Variants in STAB2 observed in about 807,000 individuals in gnomAD.
The protein encoded by STAB2 is stabilin-2.
Under a neutral mutation model 338.1 loss-of-function variants are expected in STAB2, and 288 were observed. The observed-to-expected ratio is 0.85, with a 90% CI of 0.77 to 0.94. STAB2 has a LOEUF of 0.94. STAB2 is among the 40% of genes least tolerant of loss of function. The pLI, the probability that STAB2 is intolerant of heterozygous loss-of-function variation, is 0.00. For synonymous variants in STAB2, 1,202 were observed against 1,193.3 expected (o/e 1.01, Z -0.15); for missense variants, 3,141 against 3,210.1 (o/e 0.98, Z 0.52).
At chr12:103,703,369 G>A in intron 35 of STAB2, 93 bp downstream of exon 35, 2 of 1,473,444 alleles carry the variant, frequency 1.4e-6, no homozygotes, top group South Asian at 2.6e-5. Context: ...CTATTAAGGT[G>A]TATCAATTCA....
intron 39 of STAB2, among the ~76,000 whole-genome samples, chr12:103,710,411 C>T (rs529371428): frequency 2.2e-4 from 34 of 152,302 alleles, no homozygotes; most frequent in African/African-American, 7.2e-4. Flanking sequence ...TAGACTATAA[C>T]AAAGAAGACA....
chr12:103,729,359 C>CT (rs147396668), intron 48 of STAB2, among the ~76,000 whole-genome samples: 5,015 of 151,024 alleles, frequency 0.033, 150 homozygotes, highest in Admixed American at 0.085. Flanking sequence ...AAGTTGTTTG[C>CT]TTTTTTTTTA....
chr12:103,691,688 C>G (rs1234949383), intron 30 of STAB2, among the ~76,000 whole-genome samples: 1 of 152,160 alleles, frequency 6.6e-6, no homozygotes, highest in African/African-American at 2.4e-5. Context: ...GGCCCTTGAC[C>G]TAGAGGAGCT....
At chr12:103,621,999 G>A in intron 4 of STAB2, 43 bp from the exon 5 acceptor site, 1 of 1,602,762 alleles carries the variant, frequency 6.2e-7, no homozygotes, top group Non-Finnish European at 8.5e-7. Context: ...TGGTACCATG[G>A]GTCACCTTGG....
Position 103,762,333 on chromosome 12 carries a change from G to A in STAB2, c.7419G>A (p.Gly2473=). ...TCTTTGCCATCATCCTGGTGACTGG[G>A]GCTGTTGCCTTGGCTGCTTACTCCT... is the stretch of plus-strand genomic sequence containing the variant. ...GIFFAIILVT[G]AVALAAYSYF... The change falls in exon 67 of 69, where the codon GGG becomes GGA. Residue 2473 remains glycine, a synonymous_variant. Transcript: ENST00000388887. 1 of 1,614,204 alleles carries A rather than the reference G, an allele frequency of 6.2e-7. No homozygotes were observed. Among genetic ancestry groups the A allele is most frequent in the Non-Finnish European group, 8.5e-7 (1 of 1,180,052 alleles).
chr12:103,624,136 G>A (rs1957345679), intron 5 of STAB2, among the ~76,000 whole-genome samples: 1 of 152,206 alleles, frequency 6.6e-6, no homozygotes, highest in Non-Finnish European at 1.5e-5. Context: ...CCATAAGTTT[G>A]CAAACTCTGT....
chr12:103,672,503 A>G (rs1346282106), intron 22 of STAB2, among the ~76,000 whole-genome samples: 1 of 152,074 alleles, frequency 6.6e-6, no homozygotes, highest in Non-Finnish European at 1.5e-5. Flanking sequence ...AAATTGTATA[A>G]CAATTCTTTT....
intron 9 of STAB2, among the ~76,000 whole-genome samples, chr12:103,642,036 G>A (rs753848565): frequency 6.6e-6 from 1 of 152,188 alleles, no homozygotes; most frequent in African/African-American, 2.4e-5. Context: ...CGAGAAGGGT[G>A]GGTTGAAACA....
At chr12:103,588,916 G>A (rs1464578750) in intron 1 of STAB2, among the ~76,000 whole-genome samples, 3 of 152,152 alleles carry the variant, frequency 2.0e-5, no homozygotes, top group African/African-American at 7.2e-5. Context: ...ATCACCAAAT[G>A]AAAACTCCTG....
intron 27 of STAB2, among the ~76,000 whole-genome samples, chr12:103,686,861 A>AT (rs1462162044): frequency 2.0e-5 from 3 of 152,024 alleles, no homozygotes; most frequent in Non-Finnish European, 4.4e-5. Flanking sequence ...CAGGTCTGCC[A>AT]TGTTCCTCTC....
At chr12:103,602,005 A>G (rs1310322726) in intron 3 of STAB2, among the ~76,000 whole-genome samples, 1 of 152,196 alleles carries the variant, frequency 6.6e-6, no homozygotes. Context: ...GTAAAACTCA[A>G]CCTTTTAAGT....
chr12:103,735,726 A>G (rs12296211), intron 52 of STAB2, 146 bp downstream of exon 52: 173,395 of 647,174 alleles, frequency 0.27, 27,200 homozygotes, highest in African/African-American at 0.54. Flanking sequence ...CTTCAGAGGT[A>G]TTTTTCCTGA....
At chr12:103,667,617 C>T (rs1393874425) in intron 19 of STAB2, among the ~76,000 whole-genome samples, 2 of 152,164 alleles carry the variant, frequency 1.3e-5, no homozygotes, top group Non-Finnish European at 2.9e-5. Flanking sequence ...TCCCGGGAAT[C>T]CTGTGACCCA....
At chr12:103,669,503 T>C in intron 20 of STAB2, 38 bp from the exon 21 acceptor site, 1 of 1,538,966 alleles carries the variant, frequency 6.5e-7, no homozygotes, top group Non-Finnish European at 9.0e-7. Flanking sequence ...GGTGCTCTAC[T>C]TGGGGGTTCA....
intron 44 of STAB2, among the ~76,000 whole-genome samples, chr12:103,723,411 C>T (rs371554111): frequency 1.3e-5 from 2 of 152,164 alleles, no homozygotes; most frequent in Non-Finnish European, 2.9e-5. Flanking sequence ...TTCACTATTA[C>T]AAGAAGAGCA....
chr12:103,748,741 A>G (rs2139164844), intron 58 of STAB2, among the ~76,000 whole-genome samples: 1 of 152,262 alleles, frequency 6.6e-6, no homozygotes, highest in South Asian at 2.1e-4. Context: ...AGGGGGCAGA[A>G]GCGGACAGAT....
At chr12:103,649,044 A>G (rs957753791) in intron 10 of STAB2, among the ~76,000 whole-genome samples, 14 of 152,230 alleles carry the variant, frequency 9.2e-5, no homozygotes, top group Non-Finnish European at 1.9e-4. Flanking sequence ...ATTAGCAGGC[A>G]GAGAGCTGAG....
intron 41 of STAB2, among the ~76,000 whole-genome samples, chr12:103,712,823 G>A (rs1879988819): frequency 6.6e-6 from 1 of 152,132 alleles, no homozygotes; most frequent in Non-Finnish European, 1.5e-5. Context: ...TTGGCCTAGG[G>A]TATGGCTGGA....
chr12:103,615,185 C>T (rs1048312015), intron 3 of STAB2, among the ~76,000 whole-genome samples: 1 of 152,044 alleles, frequency 6.6e-6, no homozygotes, highest in Non-Finnish European at 1.5e-5. Context: ...CTGTCTATGC[C>T]CTGGCATATT....
Sources: allele counts gnomAD v4.1 joint callset (sites outside exome capture counted in the v4.1 genomes callset), GRCh38; gene constraint gnomAD v4.1.1; transcripts MANE v1.5; gene names NCBI Gene and HGNC (gene_info 2026-07-23, HGNC 2026-07-21).